TET2: variants seen among roughly 807,000 people sequenced by gnomAD.
TET2 encodes methylcytosine dioxygenase TET2.
Under a neutral mutation model 142.9 loss-of-function variants are expected in TET2, and 299 were observed. The ratio of observed to expected loss-of-function variants is 2.09; its 90% CI spans 1.90 to 2.30. The LOEUF (loss-of-function observed/expected upper bound fraction) is 2.30. Among genes scored for constraint, TET2 ranks in the 30% most tolerant of loss-of-function variants. TET2 has a pLI of 0.00. For missense variants in TET2, 2,418 were observed against 2,378.0 expected (o/e 1.02, Z -0.35); for synonymous variants, 819 against 849.0 (o/e 0.96, Z 0.61).
At chr4:105,196,638 C>G (rs548610987) in intron 2 of TET2, among the ~76,000 whole-genome samples, 1 of 152,302 alleles carries the variant, frequency 6.6e-6, no homozygotes, top group African/African-American at 2.4e-5. Flanking sequence ...TGTTCCTCTC[C>G]TGATGAACTT....
intron 7 of TET2, 149 bp downstream of exon 7, chr4:105,259,918 A>G: frequency 1.5e-6 from 1 of 685,390 alleles, no homozygotes; most frequent in African/African-American, 1.8e-5. Context: ...TTAAGTTGGC[A>G]TAATAATCAT....
chr4:105,229,774 A>AT (rs567046005), intron 2 of TET2, among the ~76,000 whole-genome samples: 78 of 150,874 alleles, frequency 5.2e-4, no homozygotes, highest in South Asian at 8.4e-4. Flanking sequence ...TCCAGAGATG[A>AT]TTTTTTTTTA....
intron 1 of TET2, among the ~76,000 whole-genome samples, chr4:105,164,374 T>A (rs1372439111): frequency 3.3e-5 from 5 of 152,246 alleles, no homozygotes; most frequent in African/African-American, 1.2e-4. Flanking sequence ...AATCTGCTTC[T>A]CTACCTGTAA....
chr4:105,269,022 C>T (rs1461473883), intron 8 of TET2, among the ~76,000 whole-genome samples: 3 of 152,098 alleles, frequency 2.0e-5, no homozygotes, highest in Non-Finnish European at 4.4e-5. Context: ...TACCTACATA[C>T]ACACCATTAT....
intron 1 of TET2, among the ~76,000 whole-genome samples, chr4:105,187,403 T>C (rs1216988922): frequency 6.6e-6 from 1 of 152,190 alleles, no homozygotes; most frequent in Non-Finnish European, 1.5e-5. Flanking sequence ...TCTTTGATCA[T>C]TTCTTTAAAA....
At chr4:105,163,789 T>G in intron 1 of TET2, among the ~76,000 whole-genome samples, 1 of 140,128 alleles carries the variant, frequency 7.1e-6, no homozygotes, top group Non-Finnish European at 1.5e-5. Context: ...AGTCTGGTGT[T>G]TGGAGCTCGA....
chr4:105,269,174 G>GA (rs1464904691), intron 8 of TET2, among the ~76,000 whole-genome samples: 1 of 151,792 alleles, frequency 6.6e-6, no homozygotes, highest in Non-Finnish European at 1.5e-5. Flanking sequence ...AGCCATAAGG[G>GA]AAAAAAGGTA....
intron 9 of TET2, among the ~76,000 whole-genome samples, chr4:105,271,409 CAG>C (rs1181038131): frequency 2.6e-5 from 4 of 152,050 alleles, no homozygotes; most frequent in African/African-American, 4.8e-5. Flanking sequence ...AGGAAGGTGA[CAG>C]AGAGTAAGAT....
chr4:105,153,898 A>G (rs942542374), intron 1 of TET2, among the ~76,000 whole-genome samples: 1 of 152,254 alleles, frequency 6.6e-6, no homozygotes, highest in Admixed American at 6.5e-5. Context: ...TAAAAAATGG[A>G]AACAACCCAG....
intron 10 of TET2, among the ~76,000 whole-genome samples, chr4:105,273,669 G>C (rs182022627): frequency 6.6e-6 from 1 of 152,282 alleles, no homozygotes; most frequent in Non-Finnish European, 1.5e-5. Flanking sequence ...TTCTAAAACA[G>C]TACTATTTAT....
intron 2 of TET2, among the ~76,000 whole-genome samples, chr4:105,207,479 AAGG>A (rs1354465743): frequency 5.3e-5 from 8 of 152,136 alleles, no homozygotes; most frequent in Admixed American, 1.3e-4. Context: ...TTGAAGGAGA[AAGG>A]AGGAGGGAGT....
chr4:105,237,384 G>T, intron 3 of TET2, 33 bp downstream of exon 3: 1 of 1,614,032 alleles, frequency 6.2e-7, no homozygotes, highest in Non-Finnish European at 8.5e-7. Context: ...GACACATGGC[G>T]TTTATCCAGA....
chr4:105,171,686 C>T (rs1724475362), intron 1 of TET2: 1 of 152,168 alleles, frequency 6.6e-6, no homozygotes, highest in African/African-American at 2.4e-5. Flanking sequence ...GTCCCTGCTG[C>T]CAGTGTAATG....
intron 1 of TET2, among the ~76,000 whole-genome samples, chr4:105,168,853 C>T (rs1724302002): frequency 6.6e-6 from 1 of 152,152 alleles, no homozygotes; most frequent in African/African-American, 2.4e-5. Context: ...TTTTCCATCC[C>T]TGAGTTACTT....
At chr4:105,151,571 G>A (rs1341394200) in intron 1 of TET2, among the ~76,000 whole-genome samples, 2 of 151,602 alleles carry the variant, frequency 1.3e-5, no homozygotes, top group East Asian at 3.9e-4. Flanking sequence ...CAGAACTCAG[G>A]CCAGGTGTGG....
chr4:105,229,703 C>T (rs906076305), intron 2 of TET2, among the ~76,000 whole-genome samples: 12 of 149,752 alleles, frequency 8.0e-5, no homozygotes, highest in African/African-American at 2.7e-4. Flanking sequence ...CAGTGCTTTT[C>T]TCCAGCTGCC....
At chr4:105,255,940 C>T (rs1348789921) in intron 6 of TET2, among the ~76,000 whole-genome samples, 2 of 151,416 alleles carry the variant, frequency 1.3e-5, no homozygotes, top group Non-Finnish European at 2.9e-5. Flanking sequence ...AATGGTTTCC[C>T]TGGGGATTAC....
intron 6 of TET2, among the ~76,000 whole-genome samples, chr4:105,254,571 C>A (rs1730029122): frequency 6.6e-6 from 1 of 152,028 alleles, no homozygotes; most frequent in Admixed American, 6.6e-5. Flanking sequence ...GCCACCATGC[C>A]TGGCTAATTT....
intron 2 of TET2, among the ~76,000 whole-genome samples, chr4:105,220,129 C>A (rs1469460610): frequency 6.6e-6 from 1 of 152,044 alleles, no homozygotes; most frequent in Non-Finnish European, 1.5e-5. Context: ...TATAACTCTA[C>A]CAGTGTCATT....
Sources: gnomAD v4.1 joint callset for allele counts (sites outside exome capture counted in the v4.1 genomes callset) on GRCh38, gnomAD v4.1.1 for gene constraint, MANE v1.5 for transcripts, NCBI Gene and HGNC (gene_info 2026-07-23, HGNC 2026-07-21) for gene names.